Variants in KLHL32 observed in about 807,000 individuals in gnomAD.
KLHL32 encodes kelch like family member 32, also known as kelch-like protein 32.
Under a neutral mutation model 64.8 loss-of-function variants are expected in KLHL32, and 35 were observed. The observed-to-expected ratio is 0.54, with a 90% CI of 0.41 to 0.72. The LOEUF (loss-of-function observed/expected upper bound fraction) is 0.72, where lower values mean the gene tolerates loss of function less well. Among genes scored for constraint, KLHL32 ranks in the 30% least tolerant of loss-of-function variants. KLHL32 has a pLI of 0.00. For missense variants in KLHL32, 589 were observed against 768.5 expected, an observed-to-expected ratio of 0.77 and a Z score of 2.76; for synonymous variants, 259 against 281.0, an observed-to-expected ratio of 0.92 and a Z score of 0.78.
intron 5 of KLHL32, among the ~76,000 whole-genome samples, chr6:97,076,522 C>G (rs1327767211): frequency 2.0e-5 from 3 of 152,146 alleles, no homozygotes; most frequent in Non-Finnish European, 4.4e-5. Flanking sequence ...GGGTCAGCTC[C>G]AAATCATGTG....
At chr6:96,904,763 G>A in the KLHL32 span, among the ~76,000 whole-genome samples, 1 of 152,144 alleles carries the variant, frequency 6.6e-6, no homozygotes, top group Non-Finnish European at 1.5e-5. Flanking sequence ...TTTATGGTAT[G>A]GTATTGTTAC....
At chr6:96,982,535 A>G (rs193126532) in intron 3 of KLHL32, among the ~76,000 whole-genome samples, 2 of 152,268 alleles carry the variant, frequency 1.3e-5, no homozygotes, top group East Asian at 3.9e-4. Flanking sequence ...TGGGGCATTT[A>G]GTTCATTTGC....
chr6:97,035,042 C>T (rs1629523), intron 3 of KLHL32, among the ~76,000 whole-genome samples: 27,365 of 151,832 alleles, frequency 0.18, 2,948 homozygotes, highest in African/African-American at 0.32. Context: ...TGAATAAAAG[C>T]GGTCTCTCGT....
In KLHL32 at chr6:96,940,491, G is replaced by A. The variant is rs970104077; in HGVS notation, c.-66+15465G>A. Among the ~76,000 whole-genome samples, 4 of 152,192 alleles carry A rather than the reference G, an allele frequency of 2.6e-5. No homozygotes were observed. In the East Asian group the frequency reaches 5.8e-4, roughly 22 times the overall value. Reference sequence around the variant, plus strand: ...TGCTGCTGATATCCAAAATGTAGAGGAGTGAAAGTGGCAACTGAATTTGAT... The same window carrying A: ...TGCTGCTGATATCCAAAATGTAGAGAAGTGAAAGTGGCAACTGAATTTGAT... On this transcript the variant is annotated intron_variant, in intron 1 of 10. Transcript: ENST00000369261.
chr6:97,124,680 A>G (rs1798702031), intron 7 of KLHL32, among the ~76,000 whole-genome samples: 6 of 152,330 alleles, frequency 3.9e-5, no homozygotes, highest in South Asian at 4.1e-4. Context: ...AAGTCTTTAA[A>G]TGATGGGTGG....
intron 3 of KLHL32, among the ~76,000 whole-genome samples, chr6:97,021,504 C>T (rs529127674): frequency 6.6e-6 from 1 of 150,832 alleles, no homozygotes; most frequent in Admixed American, 6.6e-5. Flanking sequence ...TGATTCTATT[C>T]AGGCTTTCAG....
intron 3 of KLHL32, among the ~76,000 whole-genome samples, chr6:97,031,174 G>A (rs571841272): frequency 2.6e-5 from 4 of 152,188 alleles, no homozygotes; most frequent in African/African-American, 9.6e-5. Context: ...TGTACCAAAT[G>A]GCCAAGTTCT....
intron 5 of KLHL32, among the ~76,000 whole-genome samples, chr6:97,066,109 A>G (rs543595161): frequency 4.6e-5 from 7 of 152,216 alleles, no homozygotes; most frequent in Non-Finnish European, 1.0e-4. Flanking sequence ...TAAGACTTCA[A>G]AAGTGTGTGT....
intron 6 of KLHL32, among the ~76,000 whole-genome samples, chr6:97,113,265 A>G (rs1797405729): frequency 6.6e-6 from 1 of 152,094 alleles, no homozygotes; most frequent in East Asian, 1.9e-4. Flanking sequence ...TTTCTAAATC[A>G]TTCTGCTAGT....
rs1359899420 is a variant in KLHL32 at position 97,064,708 on chromosome 6, C to T, written c.393C>T (p.Cys131=). The change falls in exon 5 of 11, where the codon TGC becomes TGT. Residue 131 remains cysteine (C), a synonymous_variant. Coordinates refer to ENST00000369261, the MANE Select transcript of KLHL32 (RefSeq NM_052904.4). ...AGCTGTTGGAGCTTCTCAATTTATG[C>T]TCCCACTATCTCATCCAGGTATGTG... The part of the protein sequence containing the change: ...HLQLLELLNL[C]SHYLIQELNS... The T allele has an allele frequency of 5.6e-6, 9 of 1,613,458 alleles. No individual in the cohort carries two copies. Among genetic ancestry groups the T allele is most frequent in the Non-Finnish European group, 7.6e-6 (9 of 1,179,466 alleles).
At position 97,050,336 on chromosome 6, in the gene KLHL32, G is replaced by A. The variant is rs147673064; in HGVS notation, c.312+8737G>A. Among the ~76,000 whole-genome samples the A allele has an allele frequency of 4.0e-3, 603 of 152,270 alleles. 2 individuals are homozygous for A. Among genetic ancestry groups the A allele is most frequent in the African/African-American group, 0.014 (572 of 41,542 alleles). On this transcript the variant is annotated intron_variant, in intron 4 of 10. Transcript: ENST00000369261. ...ATAATGCCACACACCCCAACAGGAT[G>A]TGAAAAGGTTTATTCCTCACATAAT...
intron 1 of KLHL32, among the ~76,000 whole-genome samples, chr6:96,954,051 T>G (rs73494804): frequency 0.022 from 3,422 of 152,154 alleles, 83 homozygotes; most frequent in African/African-American, 0.063. Flanking sequence ...CACTATCACC[T>G]GAGAATTCCT....
At chr6:97,115,218 A>T (rs758930153) in intron 7 of KLHL32, among the ~76,000 whole-genome samples, 10 of 152,062 alleles carry the variant, frequency 6.6e-5, no homozygotes, top group Non-Finnish European at 1.3e-4. Flanking sequence ...GTTTCACTAC[A>T]TTGCCCAGGC....
chr6:96,928,563 A>G (rs1769459776), intron 1 of KLHL32, among the ~76,000 whole-genome samples: 2 of 152,212 alleles, frequency 1.3e-5, no homozygotes, highest in Admixed American at 1.3e-4. Context: ...ACATAAAGTC[A>G]AGGGACAAAC....
chr6:96,998,953 G>A (rs942157194), intron 3 of KLHL32, among the ~76,000 whole-genome samples: 29 of 152,030 alleles, frequency 1.9e-4, no homozygotes, highest in African/African-American at 6.0e-4. Context: ...CTAGAACAAC[G>A]TTAGTTAGAA....
At chr6:96,973,614 A>G (rs1464517377) in intron 2 of KLHL32, among the ~76,000 whole-genome samples, 4 of 152,040 alleles carry the variant, frequency 2.6e-5, no homozygotes, top group Non-Finnish European at 5.9e-5. Context: ...TGTTCTGTTC[A>G]TGTATATTAT....
At chr6:96,976,452 T>C (rs74771961) in intron 3 of KLHL32, among the ~76,000 whole-genome samples, 1,629 of 152,290 alleles carry the variant, frequency 0.011, 10 homozygotes, top group Non-Finnish European at 0.016. Flanking sequence ...TGTGGCACTG[T>C]AGTGCTTCAT....
chr6:97,056,081 C>CTTTTCTTTTT (rs1350994217), intron 4 of KLHL32, among the ~76,000 whole-genome samples: 2 of 139,370 alleles, frequency 1.4e-5, no homozygotes, highest in South Asian at 2.2e-4. Context: ...GCCAGCCTCC[C>CTTTTCTTTTT]TTTTCTTTTT....
chr6:97,050,927 CG>C (rs1786794383), intron 4 of KLHL32, among the ~76,000 whole-genome samples: 2 of 152,134 alleles, frequency 1.3e-5, no homozygotes, highest in African/African-American at 4.8e-5. Flanking sequence ...CGCTTGAACT[CG>C]GGAAGTGGAG....
Sources: allele counts gnomAD v4.1 joint callset (sites outside exome capture counted in the v4.1 genomes callset), GRCh38; gene constraint gnomAD v4.1.1; transcripts MANE v1.5; gene names NCBI Gene and HGNC (gene_info 2026-07-23, HGNC 2026-07-21).